BEAN1: variants seen among roughly 807,000 people sequenced by gnomAD.
BEAN1 encodes protein BEAN1.
Under a neutral mutation model 17.7 loss-of-function variants are expected in BEAN1, and 17 were observed. The ratio of observed to expected loss-of-function variants is 0.96; its 90% CI spans 0.66 to 1.44. The LOEUF is 1.44. Ranked by LOEUF, BEAN1 falls within the 40% of genes most tolerant of loss-of-function variation. BEAN1 has a pLI of 0.00. For missense variants in BEAN1, 359 were observed against 374.1 expected (o/e 0.96, Z 0.33); for synonymous variants, 142 against 151.8 (o/e 0.94, Z 0.47).
chr16:66,480,245 C>T (rs550516986), intron 4 of BEAN1, among the ~76,000 whole-genome samples: 6 of 152,292 alleles, frequency 3.9e-5, no homozygotes, highest in African/African-American at 1.4e-4. Flanking sequence ...GAGGTTGGTC[C>T]TACCCAGCCT....
At chr16:66,477,963 G>A (rs1422151898) in intron 4 of BEAN1, 3 of 363,092 alleles carry the variant, frequency 8.3e-6, no homozygotes, top group Non-Finnish European at 1.5e-5. Flanking sequence ...CTGTTGAGTA[G>A]GCATGCCGGG....
chr16:66,460,122 CAA>C (rs967999403), intron 2 of BEAN1, among the ~76,000 whole-genome samples: 87 of 152,346 alleles, frequency 5.7e-4, no homozygotes, highest in African/African-American at 2.0e-3. Flanking sequence ...GATGGGGTGA[CAA>C]GAGAGAGAGA....
chr16:66,480,696 C>T lies in BEAN1; in HGVS notation c.551C>T (p.Ser184Leu), dbSNP rs1290825731. Residue 184 changes from serine (S) to leucine (L), a missense_variant, in exon 5 of 5, where the codon TCA becomes TTA. Ser to Leu is a moderately radical substitution (Grantham distance 145). Transcript: ENST00000536005. ...CCCACGCTGGATGGCACCTCCGACT[C>T]AGGCAGCGGCCACAGCCCTGGCCGA... ...SCPTLDGTSD[S>L]GSGHSPGRHQ... The T allele has an allele frequency of 1.9e-6, 3 of 1,551,656 alleles. No individual in the cohort carries two copies. The East Asian group carries it at 7.3e-5, about 38-fold the overall frequency.
intron 3 of BEAN1, among the ~76,000 whole-genome samples, chr16:66,474,304 C>T (rs1351489423): frequency 4.6e-5 from 7 of 151,864 alleles, no homozygotes; most frequent in Non-Finnish European, 1.0e-4. Flanking sequence ...AAAACCTGCT[C>T]CCAGGCCACT....
chr16:66,485,143 G>A, downstream of BEAN1: 2 of 453,096 alleles, frequency 4.4e-6, no homozygotes, highest in South Asian at 1.6e-5. Flanking sequence ...GCCACCACGA[G>A]GAACATCCAT....
At chr16:66,450,148 G>A (rs1962616126) in intron 2 of BEAN1, among the ~76,000 whole-genome samples, 2 of 152,126 alleles carry the variant, frequency 1.3e-5, no homozygotes, top group Admixed American at 6.6e-5. Context: ...AGCACATCCA[G>A]GGTTTCTCCT....
At chr16:66,468,942 C>T in intron 2 of BEAN1, among the ~76,000 whole-genome samples, 1 of 152,204 alleles carries the variant, frequency 6.6e-6, no homozygotes. Context: ...GCTCCCACCA[C>T]ACCACATCCT....
At chr16:66,485,332 TG>T (rs1964073699), downstream of BEAN1, 6 of 356,520 alleles carry the variant, frequency 1.7e-5, no homozygotes, top group Admixed American at 1.1e-4. Flanking sequence ...ACTTAGAGCT[TG>T]TGCACGTACA....
At chr16:66,494,791 C>A (rs1488657161), downstream of BEAN1, among the ~76,000 whole-genome samples, 2 of 152,182 alleles carry the variant, frequency 1.3e-5, no homozygotes, top group Non-Finnish European at 2.9e-5. Context: ...CATCTCCTGC[C>A]CCTTTATGTA....
downstream of BEAN1, among the ~76,000 whole-genome samples, chr16:66,493,777 C>T (rs116931610): frequency 0.01 from 1,525 of 152,300 alleles, 11 homozygotes; most frequent in Admixed American, 0.018. Flanking sequence ...AGCTGGCCAG[C>T]CCCAGAATAG....
At chr16:66,467,323 A>C (rs1373203104) in intron 2 of BEAN1, among the ~76,000 whole-genome samples, 1 of 152,194 alleles carries the variant, frequency 6.6e-6, no homozygotes, top group Admixed American at 6.5e-5. Context: ...TAAAGAAAAG[A>C]GGTTTAATTG....
At chr16:66,470,047 G>C in intron 3 of BEAN1, 182 bp downstream of exon 3, 2 of 829,772 alleles carry the variant, frequency 2.4e-6, no homozygotes, top group Non-Finnish European at 3.7e-6. Flanking sequence ...GGTGACATGA[G>C]AGGCCCGGAT....
intron 2 of BEAN1, among the ~76,000 whole-genome samples, chr16:66,461,043 G>A (rs1490058675): frequency 1.3e-5 from 2 of 152,136 alleles, no homozygotes; most frequent in African/African-American, 2.4e-5. Flanking sequence ...GGGGGAGGTG[G>A]TATCTCAGAG....
intron 2 of BEAN1, among the ~76,000 whole-genome samples, chr16:66,449,378 C>T (rs1962581362): frequency 6.6e-6 from 1 of 152,090 alleles, no homozygotes; most frequent in Non-Finnish European, 1.5e-5. Flanking sequence ...GAGACCAATG[C>T]GGGCAGATCA....
chr16:66,488,576 G>A (rs1285427581), intron 4 of BEAN1, among the ~76,000 whole-genome samples: 1 of 150,910 alleles, frequency 6.6e-6, no homozygotes, highest in East Asian at 2.0e-4. Flanking sequence ...GGGTGTGCCT[G>A]TAGTCCCAGC....
intron 3 of BEAN1, chr16:66,475,687 G>A (rs1400464657): frequency 6.6e-6 from 1 of 152,214 alleles, no homozygotes; most frequent in Non-Finnish European, 1.5e-5. Flanking sequence ...CCCTGAACAG[G>A]AGAAACAAAT....
chr16:66,474,233 G>C (rs1407176622), intron 3 of BEAN1, among the ~76,000 whole-genome samples: 1 of 152,112 alleles, frequency 6.6e-6, no homozygotes, highest in African/African-American at 2.4e-5. Context: ...CACAGCACCT[G>C]GCTAATGGGT....
chr16:66,431,674 G>A (rs947537836), intron 1 of BEAN1, among the ~76,000 whole-genome samples: 1 of 151,190 alleles, frequency 6.6e-6, no homozygotes, highest in Non-Finnish European at 1.5e-5. Flanking sequence ...ACTATTGTGT[G>A]TGTGTGTTTT....
At chr16:66,490,454 T>TAAAATAAAA (rs772932259) in intron 4 of BEAN1, among the ~76,000 whole-genome samples, 1 of 45,130 alleles carries the variant, frequency 2.2e-5, no homozygotes, top group East Asian at 7.3e-4. Flanking sequence ...TAAAATAAAA[T>TAAAATAAAA]AATAAAATAA....
Sources: allele counts gnomAD v4.1 joint callset (sites outside exome capture counted in the v4.1 genomes callset), GRCh38; gene constraint gnomAD v4.1.1; transcripts MANE v1.5; gene names NCBI Gene and HGNC (gene_info 2026-07-23, HGNC 2026-07-21).